NUP133: variants seen among roughly 807,000 people sequenced by gnomAD.
NUP133 encodes nuclear pore complex protein Nup133.
A neutral mutation model predicts 146.2 loss-of-function variants in NUP133; 66 were observed. That is an observed-to-expected ratio of 0.45 (90% confidence interval 0.37 to 0.55). The LOEUF (loss-of-function observed/expected upper bound fraction) is 0.55, where lower values mean the gene tolerates loss of function less well. Ranked by LOEUF, NUP133 falls within the 20% of genes least tolerant of loss-of-function variation. NUP133 has a pLI of 0.00. For missense variants in NUP133, 1,277 were observed against 1,374.8 expected, an observed-to-expected ratio of 0.93 and a Z score of 1.12; for synonymous variants, 521 against 498.8, an observed-to-expected ratio of 1.04 and a Z score of -0.59.
intron 22 of NUP133, among the ~76,000 whole-genome samples, chr1:229,451,507 C>T (rs1660448815): frequency 6.6e-6 from 1 of 152,220 alleles, no homozygotes; most frequent in African/African-American, 2.4e-5. Context: ...GGTTAGATTA[C>T]AGCTGACTGC....
intron 12 of NUP133, among the ~76,000 whole-genome samples, chr1:229,480,865 T>C (rs1661194766): frequency 6.6e-6 from 1 of 151,670 alleles, no homozygotes; most frequent in South Asian, 2.1e-4. Context: ...TTTTTTTTTT[T>C]TTTTTTTTAA....
At chr1:229,483,108 GC>G (rs1661257082) in intron 12 of NUP133, among the ~76,000 whole-genome samples, 1 of 152,134 alleles carries the variant, frequency 6.6e-6, no homozygotes, top group Admixed American at 6.5e-5. Flanking sequence ...TAATTCTTTT[GC>G]TTTTTTTGAG....
intron 21 of NUP133, among the ~76,000 whole-genome samples, chr1:229,456,828 C>CTT (rs34793471): frequency 1.0e-4 from 14 of 139,618 alleles, no homozygotes; most frequent in South Asian, 2.3e-4. Flanking sequence ...TAGAGAGAGA[C>CTT]TTTTTTTTTT....
At chr1:229,460,913 T>C (rs1330959987) in intron 19 of NUP133, 144 bp from the exon 20 acceptor site, 1 of 654,658 alleles carries the variant, frequency 1.5e-6, no homozygotes, top group Non-Finnish European at 2.6e-6. Context: ...ATCACTTAAT[T>C]CAATCATCTC....
At chr1:229,447,590 A>G (rs1398509939) in intron 24 of NUP133, among the ~76,000 whole-genome samples, 1 of 152,074 alleles carries the variant, frequency 6.6e-6, no homozygotes, top group South Asian at 2.1e-4. Context: ...CCTGTTCCTC[A>G]ATATCCAGGG....
chr1:229,446,985 G>A (rs551178623), intron 24 of NUP133, among the ~76,000 whole-genome samples: 13 of 152,080 alleles, frequency 8.5e-5, no homozygotes, highest in Admixed American at 5.9e-4. Context: ...TTAGCCAGGC[G>A]TGGTGGTACA....
chr1:229,484,610 C>CTG (rs1366216488), intron 11 of NUP133, among the ~76,000 whole-genome samples: 2 of 152,130 alleles, frequency 1.3e-5, no homozygotes, highest in Admixed American at 6.5e-5. Flanking sequence ...GACATTTCAT[C>CTG]ATAATTAACA....
chr1:229,495,271 G>A (rs1351591554), intron 8 of NUP133, among the ~76,000 whole-genome samples: 3 of 152,074 alleles, frequency 2.0e-5, no homozygotes, highest in East Asian at 3.9e-4. Flanking sequence ...CATGCTTGCA[G>A]TACCAGCTAC....
In NUP133 at chr1:229,470,644, G is replaced by C; in HGVS notation, c.2012C>G (p.Ala671Gly). Residue 671 changes from alanine (A) to glycine (G), a missense_variant, in exon 15 of 26, where the codon GCT becomes GGT. Ala to Gly is a moderately conservative substitution (Grantham distance 60, BLOSUM62 0). Around this residue, in one of 3 missense-constraint regions of NUP133, gnomAD observed 952 missense variants for 1,047.0 expected, o/e 0.91. Coordinates refer to ENST00000261396, the MANE Select transcript of NUP133 (RefSeq NM_018230.3). ...GATTTCATACTCCCTCTTGTTCAAA[G>C]CAATCAATATGGCTGTGTTGACAAG... ...SDLVNTAILI[A>G]LNKREYEIPS... is the part of the protein sequence containing the mutation. 1 of 1,614,178 alleles carries C rather than the reference G, an allele frequency of 6.2e-7. No individual in the cohort carries two copies. Among genetic ancestry groups the C allele is most frequent in the Non-Finnish European group, 8.5e-7 (1 of 1,180,036 alleles).
At chr1:229,464,998 CAGGTGAT>C in intron 17 of NUP133, 123 bp from the exon 18 acceptor site, 1 of 1,115,564 alleles carries the variant, frequency 9.0e-7, no homozygotes, top group Non-Finnish European at 1.3e-6. Flanking sequence ...AACAGGGATT[CAGGTGAT>C]ACCTGTCAAT....
At chr1:229,463,443 A>T in intron 19 of NUP133, 100 bp downstream of exon 19, 1 of 1,286,496 alleles carries the variant, frequency 7.8e-7, no homozygotes, top group East Asian at 2.5e-5. Context: ...AAAAGATCGT[A>T]TCATATTCCA....
At chr1:229,471,836 T>A (rs538739962) in intron 14 of NUP133, among the ~76,000 whole-genome samples, 2 of 152,228 alleles carry the variant, frequency 1.3e-5, no homozygotes, top group African/African-American at 4.8e-5. Flanking sequence ...TCACACTGTA[T>A]ATATTGTTCT....
chr1:229,490,212 C>A lies in NUP133; in HGVS notation c.1047-110G>T, dbSNP rs556004572. 41 of 914,948 alleles carry A rather than the reference C, an allele frequency of 4.5e-5. No homozygotes were observed. The East Asian group carries it at 1.2e-3, about 28-fold the overall frequency. The allele number at this position is 914,948 out of a possible 1,614,324, so 56.7% of individuals were successfully genotyped here. ...AACTTAGCAATCCCATTCGTGGACA[C>A]CTATCCAAGAGAAAATTTAAAAACA... On this transcript the variant is annotated intron_variant, in intron 8 of 25. Transcript: ENST00000261396.
At chr1:229,493,891 G>C (rs1481068113) in intron 8 of NUP133, among the ~76,000 whole-genome samples, 1 of 152,228 alleles carries the variant, frequency 6.6e-6, no homozygotes, top group African/African-American at 2.4e-5. Context: ...CCACTACTTT[G>C]GGAGGCTGAG....
At chr1:229,493,626 G>A (rs1170568388) in intron 8 of NUP133, among the ~76,000 whole-genome samples, 1 of 152,194 alleles carries the variant, frequency 6.6e-6, no homozygotes, top group East Asian at 1.9e-4. Context: ...TTCTGATCAT[G>A]AGGCCTCAAG....
At chr1:229,458,071 G>A (rs961146834) in intron 21 of NUP133, 90 bp downstream of exon 21, 6 of 1,354,258 alleles carry the variant, frequency 4.4e-6, no homozygotes, top group Middle Eastern at 2.2e-4. Context: ...GTTTCTAAGA[G>A]ATAGATCCTG....
chr1:229,452,025 A>G (rs1660460555), intron 22 of NUP133, among the ~76,000 whole-genome samples: 1 of 152,224 alleles, frequency 6.6e-6, no homozygotes, highest in Non-Finnish European at 1.5e-5. Flanking sequence ...TAGATAGAAC[A>G]CATTTAAGGT....
Position 229,508,049 on chromosome 1 carries a change from A to C in NUP133, c.182+19T>G. The C allele has an allele frequency of 6.8e-7, 1 of 1,472,976 alleles. No homozygotes were observed. The allele number at this position is 1,472,976 out of a possible 1,614,324, so 91.2% of individuals were successfully genotyped here. A position where few individuals can be genotyped will look rare whatever the true frequency, so the allele number is the denominator to read the frequency against. On this transcript the variant is annotated intron_variant, in intron 1 of 25. Transcript: ENST00000261396. ...CGTGAGGCTGTTGGTTGCCAGACCC[A>C]ACCAGGGAGATCACTTACCGCGAGC...
intron 6 of NUP133, among the ~76,000 whole-genome samples, chr1:229,497,837 A>G (rs1661695737): frequency 1.3e-5 from 2 of 152,226 alleles, no homozygotes; most frequent in Admixed American, 1.3e-4. Context: ...TTCTGGTTAA[A>G]TCTAAAAAGT....
Sources: gnomAD v4.1 joint callset for allele counts (sites outside exome capture counted in the v4.1 genomes callset) on GRCh38, gnomAD v4.1.1 for gene constraint, gnomAD v4.1.1 regional missense constraint, MANE v1.5 for transcripts, NCBI Gene and HGNC (gene_info 2026-07-23, HGNC 2026-07-21) for gene names.